Variants in ARMH3 observed in about 807,000 individuals in gnomAD.
The protein encoded by ARMH3 is armadillo-like helical domain-containing protein 3.
A neutral mutation model predicts 99.1 loss-of-function variants in ARMH3; 60 were observed. That is an observed-to-expected ratio of 0.61 (90% CI 0.49 to 0.75). The LOEUF is 0.75. Ranked by LOEUF, ARMH3 falls within the 30% of genes least tolerant of loss-of-function variation. The pLI is 0.00. For missense variants in ARMH3, 679 were observed against 843.1 expected (o/e 0.81, Z 2.41); for synonymous variants, 285 against 292.8 (o/e 0.97, Z 0.27).
At chr10:101,872,457 G>C (rs1172794861) in intron 24 of ARMH3, among the ~76,000 whole-genome samples, 1 of 152,128 alleles carries the variant, frequency 6.6e-6, no homozygotes, top group Non-Finnish European at 1.5e-5. Context: ...AGCACTTTGG[G>C]AGGCCAAGGT....
intron 2 of ARMH3, among the ~76,000 whole-genome samples, chr10:102,039,529 C>G (rs951217870): frequency 2.6e-5 from 4 of 152,166 alleles, no homozygotes; most frequent in African/African-American, 9.7e-5. Context: ...CTAATAATTC[C>G]TCAGTTATCC....
At chr10:102,039,898 C>G (rs899181764) in intron 2 of ARMH3, 115 bp downstream of exon 2, 3 of 933,966 alleles carry the variant, frequency 3.2e-6, no homozygotes, top group Non-Finnish European at 5.1e-6. Context: ...CTTTCTCTCC[C>G]CTGTCCCACA....
At chr10:101,927,601 C>T (rs1243446715) in intron 23 of ARMH3, among the ~76,000 whole-genome samples, 5 of 152,212 alleles carry the variant, frequency 3.3e-5, no homozygotes, top group Non-Finnish European at 7.3e-5. Flanking sequence ...TTCCCAGCCA[C>T]CTCCAAAAGG....
At chr10:101,849,991 A>AG in intron 24 of ARMH3, 99 bp from the exon 25 acceptor site, 1 of 975,842 alleles carries the variant, frequency 1.0e-6, no homozygotes, top group Non-Finnish European at 1.6e-6. Flanking sequence ...GGTCTGTGAC[A>AG]ACACCCCCAA....
intron 22 of ARMH3, among the ~76,000 whole-genome samples, chr10:101,941,002 T>C (rs1349398629): frequency 6.6e-6 from 1 of 152,234 alleles, no homozygotes; most frequent in African/African-American, 2.4e-5. Flanking sequence ...GAGCTTACTA[T>C]GTGCCAGGCA....
At chr10:101,992,954 C>T (rs1473926629) in intron 17 of ARMH3, among the ~76,000 whole-genome samples, 1 of 151,954 alleles carries the variant, frequency 6.6e-6, no homozygotes, top group East Asian at 1.9e-4. Flanking sequence ...GAACCATTTC[C>T]TTGCTGAAAC....
intron 23 of ARMH3, among the ~76,000 whole-genome samples, chr10:101,923,585 AAC>A (rs1195203559): frequency 1.3e-5 from 2 of 152,204 alleles, no homozygotes; most frequent in Non-Finnish European, 2.9e-5. Flanking sequence ...TAAAAGAGAA[AAC>A]AGTGAAGAGC....
chr10:102,013,786 A>G (rs960411340), intron 9 of ARMH3, among the ~76,000 whole-genome samples, 182 bp downstream of exon 9: 1 of 152,244 alleles, frequency 6.6e-6, no homozygotes, highest in Non-Finnish European at 1.5e-5. Context: ...TTCCATGATA[A>G]TAAGTCAGAA....
intron 1 of ARMH3, among the ~76,000 whole-genome samples, chr10:102,047,605 G>C (rs540190565): frequency 2.0e-5 from 3 of 151,632 alleles, no homozygotes; most frequent in Non-Finnish European, 4.4e-5. Context: ...TTCCACCTCA[G>C]CCTCCCAAGT....
At chr10:101,884,030 AAG>A (rs1269418746) in intron 24 of ARMH3, among the ~76,000 whole-genome samples, 5 of 151,814 alleles carry the variant, frequency 3.3e-5, no homozygotes, top group Admixed American at 6.6e-5. Context: ...AGCAAACAAA[AAG>A]AAAATTAGGG....
At chr10:101,953,490 G>C (rs1044818924) in intron 22 of ARMH3, among the ~76,000 whole-genome samples, 1 of 148,910 alleles carries the variant, frequency 6.7e-6, no homozygotes, top group African/African-American at 2.5e-5. Context: ...TGATCCTCCC[G>C]CCTGGGACTC....
At chr10:101,929,373 T>A (rs1843631665) in intron 23 of ARMH3, among the ~76,000 whole-genome samples, 1 of 152,208 alleles carries the variant, frequency 6.6e-6, no homozygotes, top group Non-Finnish European at 1.5e-5. Context: ...TGAGAAAATC[T>A]CCCACAAAGG....
intron 1 of ARMH3, among the ~76,000 whole-genome samples, chr10:102,055,389 T>C (rs1012404303): frequency 6.6e-6 from 1 of 152,152 alleles, no homozygotes; most frequent in Non-Finnish European, 1.5e-5. Flanking sequence ...TCCAGTGACA[T>C]ACATTTGGGT....
intron 20 of ARMH3, among the ~76,000 whole-genome samples, chr10:101,967,877 C>T (rs1409090219): frequency 6.6e-6 from 1 of 152,148 alleles, no homozygotes; most frequent in Non-Finnish European, 1.5e-5. Context: ...TGTATGCTAT[C>T]AGCCTCTCCA....
chr10:102,021,580 C>T (rs943540169), intron 8 of ARMH3, among the ~76,000 whole-genome samples: 5 of 151,022 alleles, frequency 3.3e-5, no homozygotes, highest in Admixed American at 1.3e-4. Flanking sequence ...CGGAGTCTCG[C>T]TCTGTCACCT....
chr10:102,018,031 C>T (rs1211785193), intron 8 of ARMH3, among the ~76,000 whole-genome samples: 1 of 152,032 alleles, frequency 6.6e-6, no homozygotes, highest in Non-Finnish European at 1.5e-5. Flanking sequence ...TCCAGCTGGC[C>T]CAGTTCTCAC....
intron 19 of ARMH3, among the ~76,000 whole-genome samples, chr10:101,982,777 G>A (rs1329055394): frequency 6.6e-6 from 1 of 151,950 alleles, no homozygotes; most frequent in Non-Finnish European, 1.5e-5. Flanking sequence ...ATCTGTCACT[G>A]TCTCCCATCA....
intron 24 of ARMH3, among the ~76,000 whole-genome samples, chr10:101,867,184 T>A (rs933076676): frequency 2.0e-5 from 3 of 152,214 alleles, no homozygotes; most frequent in African/African-American, 7.2e-5. Context: ...CTAGTCTTCT[T>A]GTTATATGAC....
chr10:101,881,636 G>T (rs1383890155), intron 24 of ARMH3, among the ~76,000 whole-genome samples: 3 of 152,036 alleles, frequency 2.0e-5, no homozygotes, highest in African/African-American at 7.2e-5. Flanking sequence ...CTCATACCAG[G>T]CCCCTAATAA....
Sources: allele counts gnomAD v4.1 joint callset (sites outside exome capture counted in the v4.1 genomes callset), GRCh38; gene constraint gnomAD v4.1.1; transcripts MANE v1.5; gene names NCBI Gene and HGNC (gene_info 2026-07-23, HGNC 2026-07-21).